Variants in TSPAN9 observed in about 807,000 individuals in gnomAD.
The protein encoded by TSPAN9 is tetraspanin-9.
TSPAN9 carries 16 observed loss-of-function variants against 31.0 expected under a neutral mutation model. The ratio of observed to expected loss-of-function variants is 0.52; its 90% CI spans 0.35 to 0.78. TSPAN9 has a LOEUF of 0.78. TSPAN9 is among the 30% of genes least tolerant of loss of function. The probability of loss-of-function intolerance (pLI) is 0.01; values close to 1 mark genes in which losing one functional copy is unlikely to be tolerated. For synonymous variants in TSPAN9, 145 were observed against 121.6 expected, an observed-to-expected ratio of 1.19 and a Z score of -1.27; for missense variants, 272 against 312.5, an observed-to-expected ratio of 0.87 and a Z score of 0.98.
intron 2 of TSPAN9, among the ~76,000 whole-genome samples, chr12:3,165,292 C>T (rs75993423): frequency 6.6e-6 from 1 of 152,228 alleles, no homozygotes; most frequent in Non-Finnish European, 1.5e-5. Context: ...ACGAATCCCA[C>T]TGCTCATCCT....
At chr12:3,262,274 CAA>C (rs764688132) in intron 3 of TSPAN9, among the ~76,000 whole-genome samples, 44 of 151,976 alleles carry the variant, frequency 2.9e-4, no homozygotes, top group Non-Finnish European at 5.6e-4. Context: ...GCCTGTATCT[CAA>C]AAGTCACTCT....
chr12:3,158,877 G>A (rs970138401), intron 2 of TSPAN9, among the ~76,000 whole-genome samples: 8 of 151,842 alleles, frequency 5.3e-5, no homozygotes, highest in African/African-American at 7.3e-5. Flanking sequence ...CACAGTCTTC[G>A]CGGATTAGCT....
chr12:3,142,074 G>A (rs1054451655), intron 2 of TSPAN9, among the ~76,000 whole-genome samples: 1 of 152,210 alleles, frequency 6.6e-6, no homozygotes, highest in South Asian at 2.1e-4. Flanking sequence ...TGTGTGACAG[G>A]TGCCTTCTAT....
intron 2 of TSPAN9, among the ~76,000 whole-genome samples, chr12:3,193,591 C>T (rs939691928): frequency 6.6e-6 from 1 of 152,102 alleles, no homozygotes; most frequent in Non-Finnish European, 1.5e-5. Flanking sequence ...TGACCGTAGC[C>T]GGGGGGCAGC....
intron 2 of TSPAN9, among the ~76,000 whole-genome samples, chr12:3,106,724 C>T (rs1169281831): frequency 6.6e-6 from 1 of 152,098 alleles, no homozygotes; most frequent in Non-Finnish European, 1.5e-5. Context: ...TGAGCCGTGA[C>T]GGTGCCACTG....
At chr12:3,079,046 C>T (rs2098296509) in intron 1 of TSPAN9, among the ~76,000 whole-genome samples, 1 of 149,950 alleles carries the variant, frequency 6.7e-6, no homozygotes, top group Non-Finnish European at 1.5e-5. Flanking sequence ...GTGGCAGGAT[C>T]TCAGCTCACT....
chr12:3,283,549 C>G lies in TSPAN9; in HGVS notation c.*433C>G, dbSNP rs71577860. On this transcript the variant is annotated 3_prime_UTR_variant, in exon 9 of 9. Transcript: ENST00000011898. ...GGCCACCATGGGGCACCTGGCGGGG[C>G]GGGGGTCTGCCGGCCTCTGGGCAAG... 2.5e-3 allele frequency: 410 copies of G among 160,882 alleles called. 3 individuals carry two copies. Among genetic ancestry groups the G allele is most frequent in the Middle Eastern group, 5.9e-3 (2 of 338 alleles). The allele number at this position is 160,882 out of a possible 1,614,324, so 10.0% of individuals were successfully genotyped here.
intron 2 of TSPAN9, among the ~76,000 whole-genome samples, chr12:3,196,393 C>G (rs1270639968): frequency 6.6e-6 from 1 of 152,146 alleles, no homozygotes; most frequent in African/African-American, 2.4e-5. Flanking sequence ...TTCAGGTTCC[C>G]CGTTGTGCTT....
chr12:3,177,382 C>G (rs990721886), intron 2 of TSPAN9, among the ~76,000 whole-genome samples: 18 of 151,536 alleles, frequency 1.2e-4, no homozygotes. Context: ...TGTGATCTGT[C>G]CGCCTCGGCC....
chr12:3,281,643 A>G, intron 7 of TSPAN9, 91 bp from the exon 8 acceptor site: 2 of 1,421,032 alleles, frequency 1.4e-6, no homozygotes, highest in Non-Finnish European at 1.9e-6. Flanking sequence ...AAGAGCGAGG[A>G]CGAGGTGGAA....
chr12:3,167,377 C>G (rs1298532159), intron 2 of TSPAN9, among the ~76,000 whole-genome samples: 2 of 152,186 alleles, frequency 1.3e-5, no homozygotes, highest in East Asian at 3.9e-4. Context: ...CACAGAGAGA[C>G]TACGACACAT....
intron 2 of TSPAN9, among the ~76,000 whole-genome samples, chr12:3,111,491 T>C (rs1484682636): frequency 6.6e-6 from 1 of 152,190 alleles, no homozygotes; most frequent in Non-Finnish European, 1.5e-5. Context: ...CCTGATGAGG[T>C]TTATGTGAGG....
At chr12:3,218,843 A>C (rs991197473) in intron 3 of TSPAN9, among the ~76,000 whole-genome samples, 1 of 152,196 alleles carries the variant, frequency 6.6e-6, no homozygotes, top group Non-Finnish European at 1.5e-5. Context: ...TCATTAAAAA[A>C]AACAACCTGA....
intron 2 of TSPAN9, among the ~76,000 whole-genome samples, chr12:3,134,853 G>A (rs1279941752): frequency 1.3e-5 from 2 of 152,258 alleles, no homozygotes; most frequent in African/African-American, 4.8e-5. Context: ...GGGTGATGGC[G>A]TGCAGCGTGG....
At chr12:3,128,887 C>G (rs71458038) in intron 2 of TSPAN9, among the ~76,000 whole-genome samples, 20,697 of 152,204 alleles carry the variant, frequency 0.14, 1,733 homozygotes, top group Middle Eastern at 0.22. Flanking sequence ...CATCATCCCA[C>G]ACTGACACTG....
chr12:3,238,231 C>T (rs971422756), intron 3 of TSPAN9, among the ~76,000 whole-genome samples: 3 of 152,166 alleles, frequency 2.0e-5, no homozygotes, highest in Non-Finnish European at 4.4e-5. Flanking sequence ...TAACAGCCAC[C>T]GAGCTGAGCC....
chr12:3,109,957 G>A (rs184792001), intron 2 of TSPAN9, among the ~76,000 whole-genome samples: 110 of 152,234 alleles, frequency 7.2e-4, no homozygotes, highest in African/African-American at 2.6e-3. Context: ...AACCCTATGA[G>A]CACCCCAGAA....
intron 3 of TSPAN9, among the ~76,000 whole-genome samples, chr12:3,256,669 C>T (rs1416640580): frequency 6.6e-6 from 1 of 152,154 alleles, no homozygotes; most frequent in Non-Finnish European, 1.5e-5. Flanking sequence ...TCCCCAGCGG[C>T]GCCCCTGATC....
At chr12:3,194,887 A>T (rs1839306004) in intron 2 of TSPAN9, among the ~76,000 whole-genome samples, 1 of 152,144 alleles carries the variant, frequency 6.6e-6, no homozygotes, top group Non-Finnish European at 1.5e-5. Context: ...CCTGCTAGGG[A>T]TCTCTCCATT....
Sources: gnomAD v4.1 joint callset for allele counts (sites outside exome capture counted in the v4.1 genomes callset) on GRCh38, gnomAD v4.1.1 for gene constraint, MANE v1.5 for transcripts, NCBI Gene and HGNC (gene_info 2026-07-23, HGNC 2026-07-21) for gene names.